The following WRAP73 variants were observed in gnomAD, a reference collection of about 807,000 sequenced individuals.
WRAP73 encodes WD repeat-containing protein WRAP73.
A neutral mutation model predicts 59.6 loss-of-function variants in WRAP73; 55 were observed. The ratio of observed to expected loss-of-function variants is 0.92; its 90% confidence interval spans 0.74 to 1.15. The LOEUF is 1.15. Among genes scored for constraint, WRAP73 ranks in the 50% most tolerant of loss-of-function variants. WRAP73 has a pLI of 0.00. For missense variants in WRAP73, 592 were observed against 608.1 expected, an observed-to-expected ratio of 0.97 and a Z score of 0.28; for synonymous variants, 265 against 258.2, an observed-to-expected ratio of 1.03 and a Z score of -0.25.
At chr1:3,649,397 A>C (rs1253996704) in intron 1 of WRAP73, among the ~76,000 whole-genome samples, 1 of 152,236 alleles carries the variant, frequency 6.6e-6, no homozygotes, top group Non-Finnish European at 1.5e-5. Flanking sequence ...CAAAGTAGCC[A>C]CACCACTTAC....
intron 3 of WRAP73, 166 bp from the exon 4 acceptor site, chr1:3,638,988 T>C: frequency 1.6e-6 from 1 of 645,066 alleles, no homozygotes; most frequent in South Asian, 2.2e-5. Flanking sequence ...TTCAAATGCG[T>C]ATTTTACTGT....
intron 3 of WRAP73, among the ~76,000 whole-genome samples, chr1:3,645,854 T>A (rs1389776311): frequency 6.6e-6 from 1 of 152,068 alleles, no homozygotes; most frequent in Non-Finnish European, 1.5e-5. Context: ...AGCAGGTGAA[T>A]GGGCGGCTGC....
In WRAP73 at chr1:3,650,065, G is replaced by T; in HGVS notation, c.-66C>A. ...CCGCGGGACCCCTGGGCGCGCAGCA[G>T]GCTGCAACAGCCGACGCCGGCCTCC... On this transcript the variant is annotated 5_prime_UTR_variant, in exon 1 of 12. The change creates a new upstream start codon in the 5' untranslated region. Coordinates refer to ENST00000270708, the MANE Select transcript of WRAP73 (RefSeq NM_017818.4). The T allele has an allele frequency of 2.3e-6, 1 of 440,458 alleles. No homozygotes were observed. The highest frequency in any genetic ancestry group is 2.1e-5 in the African/African-American group (1 of 47,864). 27.3% of individuals were successfully genotyped at this position (440,458 alleles called of 1,614,324 possible).
rs147401001 is a variant in WRAP73, at chr1:3,638,155, A to C, written c.412+595T>G. Reference sequence around the variant, plus strand: ...TGTATGTTTCATTCCGCAAAAAGACAGTGCGGTGTCGTCCAGGACTCAGGA... The same window carrying C: ...TGTATGTTTCATTCCGCAAAAAGACCGTGCGGTGTCGTCCAGGACTCAGGA... On this transcript the variant is annotated intron_variant, in intron 4 of 11. Coordinates refer to ENST00000270708, the MANE Select transcript of WRAP73 (RefSeq NM_017818.4). 3.3e-3 allele frequency among the ~76,000 whole-genome samples: 497 copies of C among 152,374 alleles called. 6 individuals carry two copies. Among genetic ancestry groups the C allele is most frequent in the African/African-American group, 0.011 (470 of 41,592 alleles).
At chr1:3,643,456 G>C (rs977155891) in intron 3 of WRAP73, among the ~76,000 whole-genome samples, 2 of 152,232 alleles carry the variant, frequency 1.3e-5, no homozygotes, top group African/African-American at 4.8e-5. Context: ...CTCGTCTAAT[G>C]GGCGCAAGCT....
In WRAP73 at chr1:3,647,579, CA is replaced by C; in HGVS notation, c.70-20del. The C allele has an allele frequency of 6.2e-7, 1 of 1,608,522 alleles. No individual in the cohort carries two copies. Among genetic ancestry groups the C allele is most frequent in the East Asian group, 2.2e-5 (1 of 44,556 alleles). On this transcript the variant is annotated intron_variant, in intron 1 of 11. Transcript: ENST00000270708. ...AGGAAGCCTAAAAAATATGAGAAAG[CA>C]AGCACCTGACATTCTCCACTCCAAA...
In WRAP73 at chr1:3,632,268, G is replaced by T. The variant is rs2760320; in HGVS notation, c.993C>A (p.Ile331=). The change falls in exon 10 of 12, where the codon ATC becomes ATA. Residue 331 remains isoleucine, a synonymous_variant. Transcript: ENST00000270708. The part of the protein sequence containing the change: ...KPVTDRANPK[I]GIGMLAFSPD... ...GACTAAATGCCAGCATTCCTATGCCGATTTTCGGGTTTGCTCTGTCGGTAA... is the reference window on the plus strand; with the variant it reads ...GACTAAATGCCAGCATTCCTATGCCTATTTTCGGGTTTGCTCTGTCGGTAA... 2 of 1,613,988 alleles carry T rather than the reference G, an allele frequency of 1.2e-6. No individual in the cohort carries two copies. Among genetic ancestry groups the T allele is most frequent in the African/African-American group, 2.7e-5 (2 of 74,938 alleles).
chr1:3,631,556 G>A lies in WRAP73; in HGVS notation c.1150C>T (p.Gln384Ter). 4 of 1,611,580 alleles carry A rather than the reference G, an allele frequency of 2.5e-6. No individual in the cohort carries two copies. The highest frequency in any genetic ancestry group is 1.1e-5 in the South Asian group (1 of 90,928). Reference protein sequence around the residue: ...SPVRAFQWDPQQPRLAICTGG... With the variant: ...SPVRAFQWDP ...GTGCAGATGGCCAGCCGCGGCTGCT[G>A]CGGGTCCCACTGAAATGCGCGCACT... The change falls in exon 11 of 12, where the codon CAG becomes TAG. Residue 384 changes from glutamine to a stop codon, truncating the protein, a stop_gained. Coordinates refer to ENST00000270708, the MANE Select transcript of WRAP73 (RefSeq NM_017818.4). LOFTEE classifies it high-confidence loss of function.
intron 9 of WRAP73, chr1:3,632,971 T>C (rs1309846704): frequency 8.8e-6 from 2 of 228,318 alleles, no homozygotes; most frequent in African/African-American, 4.7e-5. Flanking sequence ...ATTTCAGCGA[T>C]GAGGAAACAG....
In WRAP73 at chr1:3,637,026, A is replaced by T; in HGVS notation, c.485T>A (p.Ile162Asn). 1 of 1,613,758 alleles carries T rather than the reference A, an allele frequency of 6.2e-7. No individual in the cohort carries two copies. Among genetic ancestry groups the T allele is most frequent in the South Asian group, 1.1e-5 (1 of 91,064 alleles). The stretch of plus-strand genomic sequence containing the variant: ...GAGCTGCCAATCACTGCAGACGAAG[A>T]TGCTCACGTAATCTTTGCAGTCGCG... ...ERRDCKDYVSIFVCSDWQLLR... is the reference protein window; with the variant it reads ...ERRDCKDYVSNFVCSDWQLLR... Residue 162 changes from isoleucine to asparagine, a missense_variant, in exon 5 of 12, where the codon ATC (isoleucine) becomes AAC (asparagine). Transcript: ENST00000270708.
In WRAP73 at chr1:3,646,913, C is replaced by T. The variant is rs1557464935; in HGVS notation, c.223-131G>A. On this transcript the variant is annotated intron_variant, in intron 2 of 11. Coordinates refer to ENST00000270708, the MANE Select transcript of WRAP73 (RefSeq NM_017818.4). The surrounding 1 kb of genome is among the most constrained non-coding windows in gnomAD (Gnocchi z 5.1). ...CTTCAAACTCATCAGCAGTCTATAG[C>T]GAGGCCTCGCCGAGAGACAACTCCC... 11 of 693,010 alleles carry T rather than the reference C, an allele frequency of 1.6e-5. No homozygotes were observed. Among genetic ancestry groups the T allele is most frequent in the South Asian group, 3.5e-5 (2 of 56,416 alleles). 42.9% of individuals were successfully genotyped at this position (693,010 alleles called of 1,614,324 possible).
At chr1:3,631,795 T>C in intron 10 of WRAP73, 138 bp from the exon 11 acceptor site, 1 of 1,437,186 alleles carries the variant, frequency 7.0e-7, no homozygotes, top group Admixed American at 2.7e-5. Flanking sequence ...CCCTGCAGTC[T>C]GGGTTCAGTT....
At position 3,639,717 on chromosome 1, in the gene WRAP73, C is replaced by T. The variant is rs1644620530; in HGVS notation, c.340-895G>A. On this transcript the variant is annotated intron_variant, in intron 3 of 11. Coordinates refer to ENST00000270708, the MANE Select transcript of WRAP73 (RefSeq NM_017818.4). The surrounding 1 kb of genome is among the most constrained non-coding windows in gnomAD (Gnocchi z 4.3). The stretch of plus-strand genomic sequence containing the variant: ...CGGGGTGGGGTGCTGACTGCCAGCT[C>T]CGTGTGTGGGGACACAGGGCTGCGC... 3 of 151,968 alleles carry T rather than the reference C, an allele frequency of 2.0e-5. No individual in the cohort carries two copies. The highest frequency in any genetic ancestry group is 2.0e-4 in the Admixed American group (3 of 15,268). The allele number at this position is 151,968 out of a possible 1,614,324, so 9.4% of individuals were successfully genotyped here.
rs1644620334 is a variant in WRAP73 at position 3,639,694 on chromosome 1, G to GGGACACAA, written c.340-873_340-872insTTGTGTCC. 1 of 152,136 alleles carries GGGACACAA rather than the reference G, an allele frequency of 6.6e-6. No individual in the cohort carries two copies. Among genetic ancestry groups the GGGACACAA allele is most frequent in the Non-Finnish European group, 1.5e-5 (1 of 68,064 alleles). 9.4% of individuals were successfully genotyped at this position (152,136 alleles called of 1,614,324 possible). The stretch of plus-strand genomic sequence containing the variant: ...CCGAGGTGCGGGGACACAAGGTGCG[G>GGGACACAA]GGTGGGGTGCTGACTGCCAGCTCCG... On this transcript the variant is annotated intron_variant, in intron 3 of 11. Transcript: ENST00000270708. This position sits in a 1 kb window ranked among gnomAD's most constrained non-coding sequence, Gnocchi z 4.3.
At chr1:3,636,114 G>A (rs1010736488) in intron 5 of WRAP73, 84 bp from the exon 6 acceptor site, 37 of 1,000,656 alleles carry the variant, frequency 3.7e-5, no homozygotes, top group East Asian at 2.0e-4. Flanking sequence ...TGTTCTTAAC[G>A]CACTTAATTT....
Position 3,631,064 on chromosome 1 carries a change from G to A in WRAP73, c.1294C>T (p.Leu432Phe). ...CWHLSGDSMA[L>F]LSKDHFCLCF... is the part of the protein sequence containing the mutation. ...AGGCAGAAGTGATCCTTGCTGAGGA[G>A]GGCCATCGAGTCTCCGCTTAAATGC... Residue 432 changes from leucine to phenylalanine, a missense_variant, in exon 12 of 12, where the codon CTC (leucine) becomes TTC (phenylalanine). Coordinates refer to ENST00000270708, the MANE Select transcript of WRAP73 (RefSeq NM_017818.4). 1.2e-6 allele frequency: 2 copies of A among 1,613,300 alleles called. 1 individual carries two copies. Among genetic ancestry groups the A allele is most frequent in the East Asian group, 4.5e-5 (2 of 44,876 alleles).
rs1191317567 is a variant in WRAP73 at position 3,636,983 on chromosome 1, G to A, written c.516+12C>T. On this transcript the variant is annotated intron_variant, in intron 5 of 11. Transcript: ENST00000270708. ...GCAGGACAACTTTATTCCAGTCTGG[G>A]GGACGCCTTACCCGCAGGAGCTGCC... 1.2e-6 allele frequency: 2 copies of A among 1,612,778 alleles called. No homozygotes were observed. The highest frequency in any genetic ancestry group is 2.7e-5 in the African/African-American group (2 of 74,896).
Position 3,631,452 on chromosome 1 carries a change from G to C in WRAP73, c.1240+14C>G. On this transcript the variant is annotated intron_variant, in intron 11 of 11. Transcript: ENST00000270708. ...GCAAGGCTGCCACGTCCGTGGCCTCGGGGATGTGCTTACCTTCCCCAGGCA... is the reference window on the plus strand; with the variant it reads ...GCAAGGCTGCCACGTCCGTGGCCTCCGGGATGTGCTTACCTTCCCCAGGCA... The C allele has an allele frequency of 1.9e-6, 3 of 1,577,902 alleles. No individual in the cohort carries two copies. The highest frequency in any genetic ancestry group is 2.3e-5 in the South Asian group (2 of 87,288).
chr1:3,640,622 C>T (rs1044705268), intron 3 of WRAP73, among the ~76,000 whole-genome samples: 9 of 136,892 alleles, frequency 6.6e-5, no homozygotes, highest in South Asian at 2.3e-4. Flanking sequence ...GTCAGCAGGG[C>T]GGGGTGGAGC....
Sources: gnomAD v4.1 joint callset for allele counts (sites outside exome capture counted in the v4.1 genomes callset) on GRCh38, gnomAD v4.1.1 for gene constraint, Gnocchi (gnomAD v3.1) non-coding constraint, MANE v1.5 for transcripts, NCBI Gene and HGNC (gene_info 2026-07-23, HGNC 2026-07-21) for gene names.